TXNL4B: variants seen among roughly 807,000 people sequenced by gnomAD.
TXNL4B encodes thioredoxin like 4B.
TXNL4B carries 12 observed loss-of-function variants against 13.0 expected under a neutral mutation model. The observed-to-expected ratio is 0.92, with a 90% CI of 0.59 to 1.49. The LOEUF (loss-of-function observed/expected upper bound fraction) is 1.49, where lower values mean the gene tolerates loss of function less well. Among genes scored for constraint, TXNL4B ranks in the 40% most tolerant of loss-of-function variants. The pLI is 0.00. For synonymous variants in TXNL4B, 59 were observed against 58.9 expected, an observed-to-expected ratio of 1.00 and a Z score of -0.01; for missense variants, 214 against 173.6, an observed-to-expected ratio of 1.23 and a Z score of -1.31.
intron 2 of TXNL4B, 108 bp from the exon 3 acceptor site, chr16:72,089,246 C>A (rs1272332810): frequency 1.1e-6 from 1 of 927,158 alleles, no homozygotes; most frequent in Non-Finnish European, 1.6e-6. Context: ...AACTCCTGGG[C>A]CAACAATGCA....
Position 72,086,534 on chromosome 16 carries a change from C to T in TXNL4B, c.*103G>A. 1.7e-6 allele frequency: 2 copies of T among 1,153,644 alleles called. No individual in the cohort carries two copies. Among genetic ancestry groups the T allele is most frequent in the Non-Finnish European group, 2.5e-6 (2 of 809,894 alleles). The allele number at this position is 1,153,644 out of a possible 1,614,324, so 71.5% of individuals were successfully genotyped here. A position where few individuals can be genotyped will look rare whatever the true frequency, so the allele number is the denominator to read the frequency against. ...ACACGCAAGTCAAACCTCTTCTCCT[C>T]TGGGACACATGTTTCCAAAGGACTC... On this transcript the variant is annotated 3_prime_UTR_variant, in exon 4 of 4. Coordinates refer to ENST00000268483, the MANE Select transcript of TXNL4B (RefSeq NM_017853.3).
At chr16:72,089,991 G>A (rs2041879038) in intron 2 of TXNL4B, 3 of 425,638 alleles carry the variant, frequency 7.0e-6, no homozygotes, top group African/African-American at 4.1e-5. Context: ...TCCTGCTTAT[G>A]ACTGAGGGTA....
In TXNL4B at chr16:72,090,783, A is replaced by T; in HGVS notation, c.-34T>A. ...AACCCAAATGTGAATCCTCACTGTC[A>T]CTCCTGAAATAAAGGTGCAATGTTT... On this transcript the variant is annotated 5_prime_UTR_variant, in exon 2 of 4. Transcript: ENST00000268483. 6.2e-7 allele frequency: 1 copy of T among 1,612,710 alleles called. No individual in the cohort carries two copies. Among genetic ancestry groups the T allele is most frequent in the Non-Finnish European group, 8.5e-7 (1 of 1,179,428 alleles).
At chr16:72,087,948 T>C (rs1161626983) in intron 3 of TXNL4B, among the ~76,000 whole-genome samples, 1 of 152,114 alleles carries the variant, frequency 6.6e-6, no homozygotes, top group East Asian at 1.9e-4. Flanking sequence ...GCCTCCAGAG[T>C]AGCCGGGACT....
rs2041889168 is a variant in TXNL4B, at chr16:72,090,508, G to T, written c.132+110C>A. The T allele has an allele frequency of 2.7e-6, 3 of 1,101,482 alleles. No individual in the cohort carries two copies. The East Asian group carries it at 7.5e-5, about 27-fold the overall frequency. The allele number at this position is 1,101,482 out of a possible 1,614,324, so 68.2% of individuals were successfully genotyped here. On this transcript the variant is annotated intron_variant, in intron 2 of 3. Coordinates refer to ENST00000268483, the MANE Select transcript of TXNL4B (RefSeq NM_017853.3). ...ATCAGCTCTTAGTGAACTAACAAATGAACAGCTATATACCCAACCCTGACT... is the reference window on the plus strand; with the variant it reads ...ATCAGCTCTTAGTGAACTAACAAATTAACAGCTATATACCCAACCCTGACT...
chr16:72,087,691 A>C (rs1398567147), intron 3 of TXNL4B, among the ~76,000 whole-genome samples: 1 of 151,674 alleles, frequency 6.6e-6, no homozygotes, highest in Admixed American at 6.6e-5. Flanking sequence ...TTTGCGATGG[A>C]GCCTTGCTCT....
At chr16:72,090,472 G>A (rs947506781) in intron 2 of TXNL4B, 146 bp downstream of exon 2, 19 of 774,404 alleles carry the variant, frequency 2.5e-5, no homozygotes, top group Non-Finnish European at 3.9e-5. Flanking sequence ...TTGGTTCAGG[G>A]CAGGCACACA....
chr16:72,086,023 A>G lies in TXNL4B; in HGVS notation c.*614T>C, dbSNP rs1302346795. On this transcript the variant is annotated 3_prime_UTR_variant, in exon 4 of 4. Transcript: ENST00000268483. Reference sequence around the variant, plus strand: ...TCTCAAAAAAAAAAAAAAAAATTAAATGAGCCAACCAGGACAATGTTTAAA... The same window carrying G: ...TCTCAAAAAAAAAAAAAAAAATTAAGTGAGCCAACCAGGACAATGTTTAAA... 1 of 152,054 alleles carries G rather than the reference A, an allele frequency of 6.6e-6. No individual in the cohort carries two copies. The highest frequency in any genetic ancestry group is 2.4e-5 in the African/African-American group (1 of 41,402). 9.4% of individuals were successfully genotyped at this position (152,054 alleles called of 1,614,324 possible).
intron 1 of TXNL4B, among the ~76,000 whole-genome samples, chr16:72,091,611 C>A (rs2041905855): frequency 1.3e-5 from 2 of 152,190 alleles, no homozygotes. Context: ...AGAGAACATC[C>A]ATATTCTCTG....
chr16:72,088,526 A>G (rs1399131337), intron 3 of TXNL4B, among the ~76,000 whole-genome samples: 1 of 152,272 alleles, frequency 6.6e-6, no homozygotes, highest in African/African-American at 2.4e-5. Flanking sequence ...TTTGCAAGAG[A>G]GAAGCACATC....
At chr16:72,087,136 T>A (rs1418006293) in intron 3 of TXNL4B, among the ~76,000 whole-genome samples, 4 of 152,232 alleles carry the variant, frequency 2.6e-5, no homozygotes, top group African/African-American at 9.6e-5. Context: ...TCGTTTGCTG[T>A]TGTTGCTTTT....
At chr16:72,092,104 T>C (rs754627322) in intron 1 of TXNL4B, among the ~76,000 whole-genome samples, 1 of 152,226 alleles carries the variant, frequency 6.6e-6, no homozygotes, top group Non-Finnish European at 1.5e-5. Context: ...CTATTTTTTT[T>C]GTCACAAGTC....
chr16:72,090,349 G>T (rs1047074350), intron 2 of TXNL4B, among the ~76,000 whole-genome samples: 2 of 152,082 alleles, frequency 1.3e-5, no homozygotes, highest in Non-Finnish European at 2.9e-5. Context: ...AGTGTTCACA[G>T]ATGCTTGTTA....
At position 72,093,574 on chromosome 16, in the gene TXNL4B, G is replaced by C. The variant is rs1005378249; in HGVS notation, c.-245C>G. On this transcript the variant is annotated 5_prime_UTR_variant, in exon 1 of 4. Transcript: ENST00000268483. ...ACAGAAAACGCACAAGCGCAGAAAA[G>C]AAACTCCTGGCCGTCGGTCGGCCCC... The C allele has an allele frequency of 6.6e-6, 1 of 152,308 alleles. No homozygotes were observed. The highest frequency in any genetic ancestry group is 6.5e-5 in the Admixed American group (1 of 15,292). The allele number at this position is 152,308 out of a possible 1,614,324, so 9.4% of individuals were successfully genotyped here.
chr16:72,093,817 C>A (rs966829140), upstream of TXNL4B: 3 of 152,346 alleles, frequency 2.0e-5, no homozygotes, highest in Non-Finnish European at 4.4e-5. Flanking sequence ...CCAGAGGAGG[C>A]CTTGAGAGCC....
At position 72,086,699 on chromosome 16, in the gene TXNL4B, C is replaced by T; in HGVS notation, c.388G>A (p.Val130Ile). 1 of 1,613,978 alleles carries T rather than the reference C, an allele frequency of 6.2e-7. No homozygotes were observed. Among genetic ancestry groups the T allele is most frequent in the Non-Finnish European group, 8.5e-7 (1 of 1,179,850 alleles). The change falls in exon 4 of 4, where the codon GTC becomes ATC. Residue 130 changes from valine to isoleucine, a missense_variant. Physicochemically the swap from Val to Ile is conservative, Grantham distance 29. Transcript: ENST00000268483. The part of the protein sequence containing the change: ...YRGAMRGKLI[V>I]QSPIDPKNIP... The stretch of plus-strand genomic sequence containing the variant: ...TTCTTGGGATCAATAGGACTTTGGA[C>T]AATAAGCTTCCCCCTCATTGCTCCT...
chr16:72,085,734 G>C lies in TXNL4B; in HGVS notation c.*903C>G, dbSNP rs953939402. Reference sequence around the variant, plus strand: ...AAAAATAATTAAATGGGGTGCGCGCGGTGGCTCACGCCTATAATCCCAGCA... The same window carrying C: ...AAAAATAATTAAATGGGGTGCGCGCCGTGGCTCACGCCTATAATCCCAGCA... On this transcript the variant is annotated 3_prime_UTR_variant, in exon 4 of 4. Coordinates refer to ENST00000268483, the MANE Select transcript of TXNL4B (RefSeq NM_017853.3). The C allele has an allele frequency of 6.6e-6, 1 of 152,090 alleles. No individual in the cohort carries two copies. Among genetic ancestry groups the C allele is most frequent in the African/African-American group, 2.4e-5 (1 of 41,410 alleles). 9.4% of individuals were successfully genotyped at this position (152,090 alleles called of 1,614,324 possible).
rs2041953057 is a variant in TXNL4B at position 72,093,521 on chromosome 16, G to A, written c.-192C>T. On this transcript the variant is annotated 5_prime_UTR_variant, in exon 1 of 4. In the 5' UTR this introduces an upstream ATG that the reference lacks. Transcript: ENST00000268483. Reference sequence around the variant, plus strand: ...CAGGGGCTGTTGCCTAGCAACCCTCGTGGCCCCGCTAGCGGGAAGGAAACC... The same window carrying A: ...CAGGGGCTGTTGCCTAGCAACCCTCATGGCCCCGCTAGCGGGAAGGAAACC... 6.6e-6 allele frequency: 1 copy of A among 152,306 alleles called. No individual in the cohort carries two copies. Among genetic ancestry groups the A allele is most frequent in the Admixed American group, 6.5e-5 (1 of 15,290 alleles). 9.4% of individuals were successfully genotyped at this position (152,306 alleles called of 1,614,324 possible). A position where few individuals can be genotyped will look rare whatever the true frequency, so the allele number is the denominator to read the frequency against.
rs2041816890 is a variant in TXNL4B, at chr16:72,085,977, T to C, written c.*660A>G. On this transcript the variant is annotated 3_prime_UTR_variant, in exon 4 of 4. Coordinates refer to ENST00000268483, the MANE Select transcript of TXNL4B (RefSeq NM_017853.3). ...GAGATCGCGCCACTGCACTCCAGCC[T>C]GGGTGACAAGAGTGACTCGGTCTCA... The C allele has an allele frequency of 6.8e-6, 1 of 147,848 alleles. No homozygotes were observed. Among genetic ancestry groups the C allele is most frequent in the South Asian group, 2.1e-4 (1 of 4,706 alleles). 9.2% of individuals were successfully genotyped at this position (147,848 alleles called of 1,614,324 possible). A position where few individuals can be genotyped will look rare whatever the true frequency, so the allele number is the denominator to read the frequency against.
Sources: allele counts gnomAD v4.1 joint callset (sites outside exome capture counted in the v4.1 genomes callset), GRCh38; gene constraint gnomAD v4.1.1; transcripts MANE v1.5; gene names NCBI Gene and HGNC (gene_info 2026-07-23, HGNC 2026-07-21).